The following PPARGC1B variants were observed in gnomAD, a reference collection of about 807,000 sequenced individuals.
PPARGC1B encodes PPARG coactivator 1 beta, also known as peroxisome proliferator-activated receptor gamma coactivator 1-beta.
A neutral mutation model predicts 101.6 loss-of-function variants in PPARGC1B; 34 were observed. The observed-to-expected ratio is 0.33, with a 90% CI of 0.25 to 0.45. The LOEUF is 0.45. Ranked by LOEUF, PPARGC1B falls within the 20% of genes least tolerant of loss-of-function variation. The probability of loss-of-function intolerance (pLI) is 1.00; values close to 1 mark genes in which losing one functional copy is unlikely to be tolerated. For missense variants in PPARGC1B, 1,234 were observed against 1,317.6 expected, an observed-to-expected ratio of 0.94 and a Z score of 0.98; for synonymous variants, 548 against 539.3, an observed-to-expected ratio of 1.02 and a Z score of -0.22.
chr5:149,763,793 T>G (rs1183073802), intron 1 of PPARGC1B, among the ~76,000 whole-genome samples: 1 of 152,106 alleles, frequency 6.6e-6, no homozygotes, highest in Non-Finnish European at 1.5e-5. Flanking sequence ...TTTTTCTTTT[T>G]TTTTTCATTT....
rs1759795195 is a variant in PPARGC1B at position 149,852,251 on chromosome 5, A to G, written c.*4693A>G. The G allele has an allele frequency of 1.3e-5, 2 of 152,178 alleles. No homozygotes were observed. Among genetic ancestry groups the G allele is most frequent in the African/African-American group, 2.4e-5 (1 of 41,430 alleles). 9.4% of individuals were successfully genotyped at this position (152,178 alleles called of 1,614,324 possible). ...AGCCATCTCAGAATCAGAAACCCTA[A>G]TGTTTCTTACTTGCTATGTGACCTT... is the stretch of plus-strand genomic sequence containing the variant. On this transcript the variant is annotated 3_prime_UTR_variant, in exon 12 of 12. Transcript: ENST00000309241.
chr5:149,814,277 T>G (rs547900633), intron 1 of PPARGC1B, among the ~76,000 whole-genome samples: 1 of 152,334 alleles, frequency 6.6e-6, no homozygotes, highest in Admixed American at 6.5e-5. Flanking sequence ...CTCAAGACAG[T>G]CCTTCTTTCT....
In PPARGC1B at chr5:149,833,655, G is replaced by A. The variant is rs114581116; in HGVS notation, c.1582G>A (p.Glu528Lys). The A allele has an allele frequency of 1.9e-4, 302 of 1,609,978 alleles. No individual in the cohort carries two copies. In the African/African-American group the frequency reaches 3.5e-3, roughly 19 times the overall value. Residue 528 changes from glutamate (E) to lysine (K), a missense_variant, in exon 5 of 12, where the codon GAG becomes AAG. Physicochemically the swap from Glu to Lys is moderately conservative, Grantham distance 56 (BLOSUM62 1). This residue lies in a region of PPARGC1B where 734 missense variants were observed against 768.4 expected (regional missense o/e 0.96). Coordinates refer to ENST00000309241, the MANE Select transcript of PPARGC1B (RefSeq NM_133263.4). This position sits in a 1 kb window ranked among gnomAD's most constrained non-coding sequence, Gnocchi z 4.1. ...GCGGGAGCTGGGCAGCCCCACGGACGAGGACAGTGGCCAAGACCAGCAGCT... is the reference window on the plus strand; with the variant it reads ...GCGGGAGCTGGGCAGCCCCACGGACAAGGACAGTGGCCAAGACCAGCAGCT... ...VERELGSPTD[E>K]DSGQDQQLLR... is the part of the protein sequence containing the mutation.
At position 149,790,622 on chromosome 5, in the gene PPARGC1B, A is replaced by G. The variant is rs550606840; in HGVS notation, c.79-29811A>G. On this transcript the variant is annotated intron_variant, in intron 1 of 11. Coordinates refer to ENST00000309241, the MANE Select transcript of PPARGC1B (RefSeq NM_133263.4). The stretch of plus-strand genomic sequence containing the variant: ...AGGCTGAGGCATCTGGGAGTGTACA[A>G]GTGCCCTTGTTTGGGGACCTGATGA... Among the ~76,000 whole-genome samples the G allele has an allele frequency of 5.3e-5, 8 of 152,292 alleles. No homozygotes were observed. The South Asian group carries it at 1.7e-3, about 32-fold the overall frequency.
intron 1 of PPARGC1B, among the ~76,000 whole-genome samples, chr5:149,802,158 T>A (rs1757451224): frequency 6.6e-6 from 1 of 152,214 alleles, no homozygotes; most frequent in Admixed American, 6.5e-5. Flanking sequence ...TTCTGTCTGG[T>A]TGCTCCAGTG....
intron 1 of PPARGC1B, among the ~76,000 whole-genome samples, chr5:149,764,602 G>A (rs1315522716): frequency 6.6e-6 from 1 of 152,244 alleles, no homozygotes; most frequent in Non-Finnish European, 1.5e-5. Flanking sequence ...AGGCAGCTGG[G>A]ATAAGGTCAG....
chr5:149,781,592 A>G (rs940668422), intron 1 of PPARGC1B, among the ~76,000 whole-genome samples: 2 of 152,174 alleles, frequency 1.3e-5, no homozygotes, highest in Non-Finnish European at 2.9e-5. Flanking sequence ...TCTGCTTGCC[A>G]TCATGCTGCC....
intron 1 of PPARGC1B, among the ~76,000 whole-genome samples, chr5:149,760,929 T>C (rs903746700): frequency 6.6e-6 from 1 of 152,196 alleles, no homozygotes; most frequent in Non-Finnish European, 1.5e-5. Context: ...GGGAGATTTC[T>C]GGAACCTAGG....
chr5:149,803,043 T>A (rs1451633049), intron 1 of PPARGC1B, among the ~76,000 whole-genome samples: 1 of 152,122 alleles, frequency 6.6e-6, no homozygotes, highest in Admixed American at 6.5e-5. Context: ...TTTTAGGAAT[T>A]GCTGATGGGG....
intron 1 of PPARGC1B, among the ~76,000 whole-genome samples, chr5:149,817,290 TAGAG>T (rs1360487296): frequency 2.6e-5 from 4 of 151,906 alleles, no homozygotes; most frequent in African/African-American, 9.7e-5. Context: ...CTGGGCAACA[TAGAG>T]AGACCCCTGT....
intron 1 of PPARGC1B, among the ~76,000 whole-genome samples, chr5:149,762,797 C>G (rs1755763841): frequency 6.6e-6 from 1 of 152,020 alleles, no homozygotes; most frequent in Non-Finnish European, 1.5e-5. Context: ...TCCCCCACCC[C>G]TTTTTTTAGA....
intron 1 of PPARGC1B, among the ~76,000 whole-genome samples, chr5:149,778,510 C>T (rs1489246625): frequency 6.6e-6 from 1 of 152,094 alleles, no homozygotes; most frequent in East Asian, 1.9e-4. Flanking sequence ...TGCCATCCCA[C>T]CAGGTAGTGG....
Position 149,736,073 on chromosome 5 carries a change from C to T in PPARGC1B, c.78+5653C>T, listed in dbSNP as rs535494745. Among the ~76,000 whole-genome samples the T allele has an allele frequency of 3.2e-4, 48 of 152,242 alleles. 2 individuals are homozygous for T. Among genetic ancestry groups the T allele is most frequent in the South Asian group, 2.1e-4 (1 of 4,810 alleles). On this transcript the variant is annotated intron_variant, in intron 1 of 11. Transcript: ENST00000309241. ...CGGAGAATTGCTTGAACCCAGGAGGCGGAGGTTGCAGTGAGCTGAGATTGC... is the reference window on the plus strand; with the variant it reads ...CGGAGAATTGCTTGAACCCAGGAGGTGGAGGTTGCAGTGAGCTGAGATTGC...
At chr5:149,817,989 G>A (rs142971875) in intron 1 of PPARGC1B, among the ~76,000 whole-genome samples, 347 of 152,346 alleles carry the variant, frequency 2.3e-3, no homozygotes, top group South Asian at 4.6e-3. Context: ...CAGGACCACG[G>A]CTGCATCCCC....
chr5:149,838,939 C>T (rs1283110610), intron 8 of PPARGC1B, among the ~76,000 whole-genome samples: 1 of 152,230 alleles, frequency 6.6e-6, no homozygotes, highest in African/African-American at 2.4e-5. Flanking sequence ...CAGGCACTCT[C>T]AGCTCTTCAG....
intron 6 of PPARGC1B, 55 bp downstream of exon 6, chr5:149,834,765 T>C (rs1581113873): frequency 6.6e-7 from 1 of 1,524,704 alleles, no homozygotes; most frequent in East Asian, 2.3e-5. Context: ...TCTTGTTGGA[T>C]GTGTGTGTTG....
rs1758915012 is a variant in PPARGC1B at position 149,833,612 on chromosome 5, C to G, written c.1539C>G (p.Pro513=). ...CTCTGCCCTCACTGTGCCTGGCTCC[C>G]AAGGCCTACGACGTAGAGCGGGAGC... ...QGALPSLCLA[P]KAYDVERELG... The change falls in exon 5 of 12, where the codon CCC becomes CCG. Residue 513 remains proline (P), a synonymous_variant. Transcript: ENST00000309241. This position sits in a 1 kb window ranked among gnomAD's most constrained non-coding sequence, Gnocchi z 4.1. 1 of 1,608,516 alleles carries G rather than the reference C, an allele frequency of 6.2e-7. No individual in the cohort carries two copies. Among genetic ancestry groups the G allele is most frequent in the African/African-American group, 1.3e-5 (1 of 74,822 alleles).
At chr5:149,840,241 G>A (rs1300527285) in intron 9 of PPARGC1B, 125 bp downstream of exon 9, 7 of 789,732 alleles carry the variant, frequency 8.9e-6, no homozygotes, top group Non-Finnish European at 1.4e-5. Flanking sequence ...CTCTGCCTGG[G>A]GAAGAAGGGA....
At position 149,784,396 on chromosome 5, in the gene PPARGC1B, A is replaced by C. The variant is rs544223155; in HGVS notation, c.79-36037A>C. Among the ~76,000 whole-genome samples the C allele has an allele frequency of 3.9e-4, 59 of 151,704 alleles. No homozygotes were observed. The South Asian group carries it at 0.012, about 32-fold the overall frequency. On this transcript the variant is annotated intron_variant, in intron 1 of 11. Transcript: ENST00000309241. Reference sequence around the variant, plus strand: ...ATCTCTGTATGTCAGCCAGAGTGCAAATCTATCATGTCACTGTTGTGTAGG... The same window carrying C: ...ATCTCTGTATGTCAGCCAGAGTGCACATCTATCATGTCACTGTTGTGTAGG...
Sources: gnomAD v4.1 joint callset for allele counts (sites outside exome capture counted in the v4.1 genomes callset) on GRCh38, gnomAD v4.1.1 for gene constraint, gnomAD v4.1.1 regional missense constraint, Gnocchi (gnomAD v3.1) non-coding constraint, MANE v1.5 for transcripts, NCBI Gene and HGNC (gene_info 2026-07-23, HGNC 2026-07-21) for gene names.